The following FGF14 variants were observed in gnomAD, a reference collection of about 807,000 sequenced individuals.
FGF14 encodes the protein fibroblast growth factor homologous factor 4.
FGF14 carries 5 observed loss-of-function variants against 25.5 expected under a neutral mutation model. The ratio of observed to expected loss-of-function variants is 0.20; its 90% CI spans 0.10 to 0.41. FGF14 has a LOEUF of 0.41. Among genes scored for constraint, FGF14 ranks in the 10% least tolerant of loss-of-function variants. The pLI is 1.00. For missense variants in FGF14, 222 were observed against 320.1 expected, an observed-to-expected ratio of 0.69 and a Z score of 2.34; for synonymous variants, 138 against 118.3, an observed-to-expected ratio of 1.17 and a Z score of -1.08.
At chr13:102,267,734 T>C (rs1451849731) in intron 1 of FGF14, among the ~76,000 whole-genome samples, 1 of 152,134 alleles carries the variant, frequency 6.6e-6, no homozygotes, top group Non-Finnish European at 1.5e-5. Context: ...CAGAACCAAA[T>C]GTAAATGTTA....
At chr13:102,389,535 T>C (rs1386908569) in intron 1 of FGF14, among the ~76,000 whole-genome samples, 1 of 152,170 alleles carries the variant, frequency 6.6e-6, no homozygotes, top group Non-Finnish European at 1.5e-5. Context: ...TACCAGACTG[T>C]CCTTGCAAAA....
Position 101,796,080 on chromosome 13 carries a change from T to C in FGF14, c.409-69270A>G, listed in dbSNP as rs554346944. The stretch of plus-strand genomic sequence containing the variant: ...CAGTAATGGCCAAAATTAACAGCAG[T>C]TCCTAGAAAAATAACCTATAATATT... On this transcript the variant is annotated intron_variant, in intron 3 of 4. Transcript: ENST00000376143. Among the ~76,000 whole-genome samples the C allele has an allele frequency of 1.4e-4, 21 of 152,194 alleles. No individual in the cohort carries two copies. In the South Asian group the frequency reaches 3.5e-3, roughly 26 times the overall value.
intron 1 of FGF14, among the ~76,000 whole-genome samples, chr13:102,209,874 C>A (rs1376923208): frequency 6.6e-6 from 1 of 152,018 alleles, no homozygotes; most frequent in Non-Finnish European, 1.5e-5. Flanking sequence ...AGAGGAAAGA[C>A]AAATATATCT....
At chr13:101,914,914 C>T (rs1409388298) in intron 1 of FGF14, among the ~76,000 whole-genome samples, 1 of 152,142 alleles carries the variant, frequency 6.6e-6, no homozygotes, top group Non-Finnish European at 1.5e-5. Context: ...TAGATTGATC[C>T]TCCGTCTATC....
At chr13:102,161,620 A>AT (rs2047696758) in intron 1 of FGF14, among the ~76,000 whole-genome samples, 1 of 5,882 alleles carries the variant, frequency 1.7e-4, no homozygotes, top group African/African-American at 1.3e-3. Flanking sequence ...GAAGAAGAAG[A>AT]AGAAGAAGAA....
intron 1 of FGF14, among the ~76,000 whole-genome samples, chr13:101,984,486 A>G (rs2038450795): frequency 6.6e-6 from 1 of 152,180 alleles, no homozygotes; most frequent in Non-Finnish European, 1.5e-5. Context: ...CTTCTTTGAA[A>G]GTTGTTCATG....
chr13:102,273,115 G>A (rs1594668091), intron 1 of FGF14, among the ~76,000 whole-genome samples: 1 of 152,270 alleles, frequency 6.6e-6, no homozygotes, highest in East Asian at 1.9e-4. Flanking sequence ...TCTAGTTGAA[G>A]GGAATATAAG....
chr13:102,089,559 G>T (rs2044076973), intron 1 of FGF14, among the ~76,000 whole-genome samples: 1 of 152,132 alleles, frequency 6.6e-6, no homozygotes, highest in Non-Finnish European at 1.5e-5. Context: ...TGATATTACT[G>T]CCTAAACGTT....
intron 3 of FGF14, among the ~76,000 whole-genome samples, chr13:101,863,894 A>G (rs1334212492): frequency 6.6e-6 from 1 of 152,090 alleles, no homozygotes; most frequent in Non-Finnish European, 1.5e-5. Flanking sequence ...GCTCTTGGAA[A>G]GCTAAGGACA....
chr13:102,279,654 G>A (rs2053729342), intron 1 of FGF14, among the ~76,000 whole-genome samples: 1 of 151,982 alleles, frequency 6.6e-6, no homozygotes, highest in African/African-American at 2.4e-5. Context: ...TGGGCACAGT[G>A]CCCAATGCAT....
At chr13:102,344,090 C>G in intron 1 of FGF14, among the ~76,000 whole-genome samples, 1 of 152,160 alleles carries the variant, frequency 6.6e-6, no homozygotes. Context: ...CTTTTTTCTA[C>G]TTCTACCAGA....
At position 101,722,523 on chromosome 13, in the gene FGF14, G is replaced by A. The variant is rs897494638; in HGVS notation, c.*308C>T. 7.3e-6 allele frequency: 3 copies of A among 413,306 alleles called. No homozygotes were observed. Among genetic ancestry groups the A allele is most frequent in the African/African-American group, 4.1e-5 (2 of 49,334 alleles). 25.6% of individuals were successfully genotyped at this position (413,306 alleles called of 1,614,324 possible). A position where few individuals can be genotyped will look rare whatever the true frequency, so the allele number is the denominator to read the frequency against. ...GGTAGCTGTCAGCAGGCAAGGTATC[G>A]AGTGTACTTGTGAAGTATGTCATTC... On this transcript the variant is annotated 3_prime_UTR_variant, in exon 5 of 5. Coordinates refer to ENST00000376143, the MANE Select transcript of FGF14 (RefSeq NM_004115.4).
chr13:101,969,742 G>C (rs943875039), intron 1 of FGF14, among the ~76,000 whole-genome samples: 1 of 152,216 alleles, frequency 6.6e-6, no homozygotes, highest in African/African-American at 2.4e-5. Flanking sequence ...GAGTAGAAAA[G>C]TGGCATCCAA....
chr13:101,938,912 T>G (rs572354669), intron 1 of FGF14, among the ~76,000 whole-genome samples: 6 of 152,332 alleles, frequency 3.9e-5, no homozygotes, highest in African/African-American at 1.4e-4. Context: ...ATTTTTGCCC[T>G]CCAGGGAACA....
At chr13:101,812,723 C>T (rs574430330) in intron 3 of FGF14, among the ~76,000 whole-genome samples, 12 of 120,308 alleles carry the variant, frequency 1.0e-4, no homozygotes, top group Admixed American at 3.1e-4. Flanking sequence ...AGTGCAATGG[C>T]GCTATCTCAG....
At chr13:101,913,206 G>A (rs1240426208) in intron 1 of FGF14, among the ~76,000 whole-genome samples, 1 of 152,194 alleles carries the variant, frequency 6.6e-6, no homozygotes, top group South Asian at 2.1e-4. Flanking sequence ...AAAAGGATAA[G>A]GATTTGAAAG....
chr13:102,169,917 A>C (rs2048178542), intron 1 of FGF14, among the ~76,000 whole-genome samples: 1 of 152,106 alleles, frequency 6.6e-6, no homozygotes. Context: ...AGTTTTTTTC[A>C]GTTTTATGTT....
chr13:101,838,275 TCTGTGACCCTGCAACTTCCTGCAGC>T (rs1048272724), intron 3 of FGF14, among the ~76,000 whole-genome samples: 1 of 151,996 alleles, frequency 6.6e-6, no homozygotes, highest in African/African-American at 2.4e-5. Flanking sequence ...AAAAGTCTCA[TCTGTGACCCTGCAACTTCCTGCAGC>T]CCTCGGTTTC....
chr13:101,781,778 G>T (rs2039503454), intron 3 of FGF14, among the ~76,000 whole-genome samples: 1 of 152,178 alleles, frequency 6.6e-6, no homozygotes, highest in Admixed American at 6.5e-5. Context: ...GAAGCTTAGA[G>T]AGTTTACAGA....
Sources: allele counts gnomAD v4.1 joint callset (sites outside exome capture counted in the v4.1 genomes callset), GRCh38; gene constraint gnomAD v4.1.1; transcripts MANE v1.5; gene names NCBI Gene and HGNC (gene_info 2026-07-23, HGNC 2026-07-21).